GPR39: variants seen among roughly 807,000 people sequenced by gnomAD.
GPR39 encodes the protein G protein-coupled receptor 39.
A neutral mutation model predicts 18.4 loss-of-function variants in GPR39; 23 were observed. That is an observed-to-expected ratio of 1.25 (90% CI 0.90 to 1.77). GPR39 has a LOEUF of 1.77. GPR39 is among the 40% of genes most tolerant of loss of function. The pLI is 0.00. For synonymous variants in GPR39, 280 were observed against 257.9 expected, an observed-to-expected ratio of 1.09 and a Z score of -0.82; for missense variants, 647 against 602.4, an observed-to-expected ratio of 1.07 and a Z score of -0.78.
At chr2:132,510,410 G>A (rs1558821236) in intron 1 of GPR39, among the ~76,000 whole-genome samples, 1 of 152,104 alleles carries the variant, frequency 6.6e-6, no homozygotes, top group Non-Finnish European at 1.5e-5. Flanking sequence ...CACAGCTGAG[G>A]GACCCCAGAA....
rs73001265 is a variant in GPR39 at position 132,510,701 on chromosome 2, G to T, written c.856+92803G>T. Among the ~76,000 whole-genome samples, 1,047 of 152,208 alleles carry T rather than the reference G, an allele frequency of 6.9e-3. 12 individuals carry two copies. Among genetic ancestry groups the T allele is most frequent in the African/African-American group, 0.023 (963 of 41,532 alleles). The stretch of plus-strand genomic sequence containing the variant: ...TGGAGTTCAGCTCTTTTTGTTCATG[G>T]TTCTATTTTGTTTACTTTACTGCCA... On this transcript the variant is annotated intron_variant, in intron 1 of 1. Coordinates refer to ENST00000329321, the MANE Select transcript of GPR39 (RefSeq NM_001508.3).
intron 1 of GPR39, among the ~76,000 whole-genome samples, chr2:132,469,047 G>A (rs1378111056): frequency 6.6e-6 from 1 of 152,218 alleles, no homozygotes; most frequent in Non-Finnish European, 1.5e-5. Context: ...AGCCTTGCTG[G>A]GAAGTTGTTC....
At chr2:132,591,257 CA>C (rs747314988) in intron 1 of GPR39, among the ~76,000 whole-genome samples, 85 of 24,602 alleles carry the variant, frequency 3.5e-3, no homozygotes, top group Non-Finnish European at 4.4e-3. Context: ...GACTCCGTCT[CA>C]AAAAAAAAAA....
At chr2:132,594,706 C>A (rs1051694759) in intron 1 of GPR39, among the ~76,000 whole-genome samples, 1 of 151,858 alleles carries the variant, frequency 6.6e-6, no homozygotes, top group South Asian at 2.1e-4. Flanking sequence ...GGGAGAGAGA[C>A]ACCGAGATAC....
intron 1 of GPR39, among the ~76,000 whole-genome samples, chr2:132,641,288 T>A (rs1002959806): frequency 1.1e-4 from 17 of 152,240 alleles, no homozygotes; most frequent in African/African-American, 4.1e-4. Flanking sequence ...TGTTCCTCGC[T>A]ATAGCTGAGA....
At chr2:132,498,074 T>C (rs565063784) in intron 1 of GPR39, among the ~76,000 whole-genome samples, 2 of 152,348 alleles carry the variant, frequency 1.3e-5, no homozygotes, top group South Asian at 2.1e-4. Context: ...AACTGATGTA[T>C]ATTTTTTTAA....
intron 1 of GPR39, among the ~76,000 whole-genome samples, chr2:132,549,293 C>T (rs1680000253): frequency 6.6e-6 from 1 of 152,154 alleles, no homozygotes; most frequent in South Asian, 2.1e-4. Context: ...TACCACACCC[C>T]AAGCCTGTAC....
At position 132,417,950 on chromosome 2, in the gene GPR39, C is replaced by A. The variant is rs375187780; in HGVS notation, c.856+52C>A. On this transcript the variant is annotated intron_variant, in intron 1 of 1. Coordinates refer to ENST00000329321, the MANE Select transcript of GPR39 (RefSeq NM_001508.3). The stretch of plus-strand genomic sequence containing the variant: ...TGAGCAGCTTCCCAACCTTCCCCCA[C>A]GACCCGTGCCACTGCCTGTGGCCCT... The A allele has an allele frequency of 5.4e-5, 83 of 1,525,814 alleles. No homozygotes were observed. The African/African-American group carries it at 1.1e-3, about 19-fold the overall frequency. 94.5% of individuals were successfully genotyped at this position (1,525,814 alleles called of 1,614,324 possible).
chr2:132,425,187 C>T (rs1377967825), intron 1 of GPR39, among the ~76,000 whole-genome samples: 1 of 152,200 alleles, frequency 6.6e-6, no homozygotes, highest in Non-Finnish European at 1.5e-5. Flanking sequence ...GTGCCTCCCA[C>T]TTCTTCCATG....
At chr2:132,464,899 A>AG (rs1403299474) in intron 1 of GPR39, among the ~76,000 whole-genome samples, 1 of 152,266 alleles carries the variant, frequency 6.6e-6, no homozygotes, top group Middle Eastern at 3.4e-3. Context: ...GCCAATTCCC[A>AG]GGGGGCATGG....
At chr2:132,429,079 T>C (rs532609033) in intron 1 of GPR39, among the ~76,000 whole-genome samples, 30 of 152,338 alleles carry the variant, frequency 2.0e-4, no homozygotes, top group African/African-American at 7.0e-4. Flanking sequence ...ACCAGAGCAC[T>C]AGGGCCAGCC....
intron 1 of GPR39, among the ~76,000 whole-genome samples, chr2:132,606,918 G>T (rs988356746): frequency 4.6e-5 from 7 of 152,172 alleles, no homozygotes; most frequent in Non-Finnish European, 1.0e-4. Context: ...GGGAGAAGTA[G>T]GCTCCAAAAG....
chr2:132,578,801 T>C (rs1019024449), intron 1 of GPR39, among the ~76,000 whole-genome samples: 3 of 147,714 alleles, frequency 2.0e-5, no homozygotes, highest in African/African-American at 5.3e-5. Flanking sequence ...TATAGTCTCT[T>C]TTAATATCTT....
intron 1 of GPR39, among the ~76,000 whole-genome samples, chr2:132,611,598 G>T (rs932018675): frequency 6.7e-6 from 1 of 149,848 alleles, no homozygotes; most frequent in East Asian, 2.0e-4. Context: ...TGCTCCAAAG[G>T]ATGCTTGAAG....
intron 1 of GPR39, among the ~76,000 whole-genome samples, chr2:132,425,920 T>C (rs1374222811): frequency 6.6e-6 from 1 of 152,192 alleles, no homozygotes; most frequent in Non-Finnish European, 1.5e-5. Context: ...CTGGCCTACA[T>C]GTTGAGAACC....
chr2:132,583,732 C>G (rs73955707), intron 1 of GPR39, among the ~76,000 whole-genome samples: 1,978 of 151,324 alleles, frequency 0.013, 50 homozygotes, highest in African/African-American at 0.045. Context: ...CTGGAGGCGA[C>G]TTGGCCTCTG....
intron 1 of GPR39, among the ~76,000 whole-genome samples, chr2:132,531,626 G>T (rs1471313869): frequency 2.0e-5 from 3 of 152,180 alleles, no homozygotes; most frequent in African/African-American, 4.8e-5. Context: ...AAATGTAAAA[G>T]AACAGAAATT....
Position 132,645,686 on chromosome 2 carries a change from T to C in GPR39, c.*80T>C. 1 of 1,518,122 alleles carries C rather than the reference T, an allele frequency of 6.6e-7. No individual in the cohort carries two copies. Among genetic ancestry groups the C allele is most frequent in the Non-Finnish European group, 8.8e-7 (1 of 1,132,086 alleles). The allele number at this position is 1,518,122 out of a possible 1,614,324, so 94.0% of individuals were successfully genotyped here. ...TCACTCTCACTCTGCAGTCTCAAACTATGCCCCCATCAGGGATGGAATGGA... is the reference window on the plus strand; with the variant it reads ...TCACTCTCACTCTGCAGTCTCAAACCATGCCCCCATCAGGGATGGAATGGA... On this transcript the variant is annotated 3_prime_UTR_variant, in exon 2 of 2. Transcript: ENST00000329321.
chr2:132,548,513 AG>A (rs1355063092), intron 1 of GPR39, among the ~76,000 whole-genome samples: 1 of 152,208 alleles, frequency 6.6e-6, no homozygotes, highest in Non-Finnish European at 1.5e-5. Context: ...TTAGTGAATA[AG>A]TATGTATCTG....
Sources: gnomAD v4.1 joint callset for allele counts (sites outside exome capture counted in the v4.1 genomes callset) on GRCh38, gnomAD v4.1.1 for gene constraint, MANE v1.5 for transcripts, NCBI Gene and HGNC (gene_info 2026-07-23, HGNC 2026-07-21) for gene names.